TAX1BP1: variants seen among roughly 807,000 people sequenced by gnomAD.
The protein encoded by TAX1BP1 is Tax1 binding protein 1.
Under a neutral mutation model 97.7 loss-of-function variants are expected in TAX1BP1, and 62 were observed. That is an observed-to-expected ratio of 0.63 (90% confidence interval 0.52 to 0.78). The LOEUF is 0.78. Among genes scored for constraint, TAX1BP1 ranks in the 30% least tolerant of loss-of-function variants. TAX1BP1 has a pLI of 0.00. For synonymous variants in TAX1BP1, 340 were observed against 304.2 expected (o/e 1.12, Z -1.23); for missense variants, 867 against 916.1 (o/e 0.95, Z 0.69).
At chr7:27,790,590 G>A (rs964003340) in intron 8 of TAX1BP1, among the ~76,000 whole-genome samples, 1 of 151,524 alleles carries the variant, frequency 6.6e-6, no homozygotes, top group Non-Finnish European at 1.5e-5. Flanking sequence ...TCTCATGTTG[G>A]TAGACATTTT....
At chr7:27,771,623 C>T (rs543004298) in intron 5 of TAX1BP1, among the ~76,000 whole-genome samples, 13 of 152,036 alleles carry the variant, frequency 8.6e-5, no homozygotes, top group Middle Eastern at 3.4e-3. Context: ...AGACTGAGGT[C>T]AGGGGATTAA....
chr7:27,826,220 GT>G (rs2128327564), intron 15 of TAX1BP1, among the ~76,000 whole-genome samples: 1 of 152,256 alleles, frequency 6.6e-6, no homozygotes, highest in East Asian at 1.9e-4. Flanking sequence ...AGTATATAAA[GT>G]ATTCGTGTTT....
chr7:27,829,230 A>C lies in TAX1BP1; in HGVS notation c.*401A>C, dbSNP rs1321877625. On this transcript the variant is annotated 3_prime_UTR_variant, in exon 17 of 17. Transcript: ENST00000396319. ...CTTGTTGATTGAGCATGACTACTAA[A>C]TATTATGTAATAAAAAGCATTTGTC... 1 of 155,704 alleles carries C rather than the reference A, an allele frequency of 6.4e-6. No individual in the cohort carries two copies. Among genetic ancestry groups the C allele is most frequent in the Non-Finnish European group, 1.4e-5 (1 of 70,572 alleles). 9.6% of individuals were successfully genotyped at this position (155,704 alleles called of 1,614,324 possible).
intron 1 of TAX1BP1, among the ~76,000 whole-genome samples, chr7:27,745,338 C>T (rs1174467558): frequency 6.6e-6 from 1 of 152,118 alleles, no homozygotes; most frequent in Admixed American, 6.5e-5. Flanking sequence ...CAGTGAATTC[C>T]AACATTTTTG....
At chr7:27,784,254 T>C (rs894373078) in intron 5 of TAX1BP1, among the ~76,000 whole-genome samples, 1 of 152,188 alleles carries the variant, frequency 6.6e-6, no homozygotes, top group Admixed American at 6.5e-5. Flanking sequence ...TTAATAAAAA[T>C]AATTTTATCT....
chr7:27,801,842 A>G (rs1368972243), intron 13 of TAX1BP1, among the ~76,000 whole-genome samples: 2 of 152,234 alleles, frequency 1.3e-5, no homozygotes, highest in Non-Finnish European at 2.9e-5. Context: ...GACACAGACT[A>G]ACACTGACCA....
At position 27,817,023 on chromosome 7, in the gene TAX1BP1, C is replaced by T. The variant is rs1454859685; in HGVS notation, c.2070C>T (p.Asp690=). ...RNFSRPDGLE[D]SEDSKEDENV... ...TTAGTCGGCCTGATGGCTTAGAGGA[C>T]TCTGAGGATAGCAAAGTAAATTGAA... Residue 690 remains aspartate, a synonymous_variant, in exon 15 of 17, where the codon GAC becomes GAT. Coordinates refer to ENST00000396319, the MANE Select transcript of TAX1BP1 (RefSeq NM_006024.7). 1.2e-6 allele frequency: 2 copies of T among 1,607,018 alleles called. No homozygotes were observed. Among genetic ancestry groups the T allele is most frequent in the Non-Finnish European group, 1.7e-6 (2 of 1,178,404 alleles).
chr7:27,800,156 T>A (rs1790077995), intron 13 of TAX1BP1, 66 bp downstream of exon 13: 1 of 1,405,752 alleles, frequency 7.1e-7, no homozygotes, highest in African/African-American at 1.5e-5. Context: ...TATGTATAAT[T>A]TTATTCAATC....
At chr7:27,779,421 A>C (rs1030499655) in intron 5 of TAX1BP1, among the ~76,000 whole-genome samples, 3 of 152,216 alleles carry the variant, frequency 2.0e-5, no homozygotes, top group Non-Finnish European at 4.4e-5. Context: ...AAGTGTACTC[A>C]GTATCATAGC....
chr7:27,751,899 C>T (rs1008021167), intron 2 of TAX1BP1, among the ~76,000 whole-genome samples: 8 of 152,082 alleles, frequency 5.3e-5, no homozygotes, highest in Admixed American at 3.9e-4. Context: ...GCGATCCACC[C>T]GCCTCAGCCT....
chr7:27,801,599 A>G (rs1471068763), intron 13 of TAX1BP1, among the ~76,000 whole-genome samples: 3 of 152,246 alleles, frequency 2.0e-5, no homozygotes, highest in Non-Finnish European at 2.9e-5. Flanking sequence ...GCACAGTGCT[A>G]TGCTTAAGGA....
chr7:27,815,252 A>T (rs915575278), intron 13 of TAX1BP1, among the ~76,000 whole-genome samples: 4 of 152,202 alleles, frequency 2.6e-5, no homozygotes, highest in African/African-American at 9.6e-5. Context: ...TTCACCATTA[A>T]GGGTCACAGT....
At chr7:27,794,192 C>A in intron 10 of TAX1BP1, 131 bp from the exon 11 acceptor site, 1 of 758,662 alleles carries the variant, frequency 1.3e-6, no homozygotes, top group Non-Finnish European at 2.0e-6. Context: ...GCTTTTAAAA[C>A]AAGAGCAGCT....
At chr7:27,759,479 GT>G (rs1788347069) in intron 3 of TAX1BP1, among the ~76,000 whole-genome samples, 1 of 151,934 alleles carries the variant, frequency 6.6e-6, no homozygotes, top group South Asian at 2.1e-4. Context: ...AAAATATAAT[GT>G]TTTTCTCCAT....
chr7:27,806,785 A>G (rs977470163), intron 13 of TAX1BP1, among the ~76,000 whole-genome samples: 3 of 152,164 alleles, frequency 2.0e-5, no homozygotes, highest in Non-Finnish European at 4.4e-5. Context: ...TTCTAGCTCT[A>G]GAAATGATTG....
At chr7:27,820,140 A>G (rs1437401667) in intron 15 of TAX1BP1, among the ~76,000 whole-genome samples, 1 of 152,188 alleles carries the variant, frequency 6.6e-6, no homozygotes, top group African/African-American at 2.4e-5. Flanking sequence ...AGGCCAGATT[A>G]TTATCTCTTC....
intron 13 of TAX1BP1, among the ~76,000 whole-genome samples, chr7:27,811,759 G>A (rs547567964): frequency 8.2e-4 from 124 of 152,020 alleles, no homozygotes; most frequent in African/African-American, 2.8e-3. Context: ...ATTTGCATTC[G>A]TCCCCTCCTG....
chr7:27,759,308 T>C (rs1268941738), intron 3 of TAX1BP1, among the ~76,000 whole-genome samples: 1 of 152,164 alleles, frequency 6.6e-6, no homozygotes, highest in African/African-American at 2.4e-5. Flanking sequence ...ATTGGCAGAT[T>C]TAATCACTGC....
In TAX1BP1 at chr7:27,785,432, A is replaced by G. The variant is rs769671588; in HGVS notation, c.795A>G (p.Glu265=). ...LKDKLKKAQH[E]REQLECQLKT... ...ACAAACTCAAGAAGGCACAACATGA[A>G]AGAGAACAACTTGAATGTCAGTTGA... Residue 265 remains glutamate (E), a synonymous_variant, in exon 7 of 17, where the codon GAA becomes GAG. Coordinates refer to ENST00000396319, the MANE Select transcript of TAX1BP1 (RefSeq NM_006024.7). 41 of 1,613,596 alleles carry G rather than the reference A, an allele frequency of 2.5e-5. No homozygotes were observed. In the Admixed American group the frequency reaches 3.7e-4, roughly 14 times the overall value.
Sources: allele counts gnomAD v4.1 joint callset (sites outside exome capture counted in the v4.1 genomes callset), GRCh38; gene constraint gnomAD v4.1.1; transcripts MANE v1.5; gene names NCBI Gene and HGNC (gene_info 2026-07-23, HGNC 2026-07-21).